Variants in VPS13B observed in about 807,000 individuals in gnomAD.
VPS13B encodes the protein vacuolar protein sorting 13 homolog B.
In VPS13B, 285 loss-of-function variants were observed where a neutral mutation model predicts 426.4. The observed-to-expected ratio is 0.67, with a 90% confidence interval of 0.61 to 0.74. The LOEUF (loss-of-function observed/expected upper bound fraction) is 0.74. VPS13B is among the 30% of genes least tolerant of loss of function. VPS13B has a pLI of 0.00. For synonymous variants in VPS13B, 1,676 were observed against 1,676.4 expected (o/e 1.00, Z 0.01); for missense variants, 4,537 against 4,782.6 (o/e 0.95, Z 1.51).
At chr8:99,362,766 G>T (rs1812639787) in intron 19 of VPS13B, among the ~76,000 whole-genome samples, 1 of 152,194 alleles carries the variant, frequency 6.6e-6, no homozygotes, top group Admixed American at 6.5e-5. Context: ...GAACAGTGCT[G>T]CAACAAACAT....
At chr8:99,312,751 C>G (rs1027076892) in intron 19 of VPS13B, among the ~76,000 whole-genome samples, 12 of 152,180 alleles carry the variant, frequency 7.9e-5, no homozygotes, top group African/African-American at 2.4e-4. Flanking sequence ...CGGATAATAT[C>G]TTGCAGATTG....
intron 13 of VPS13B, among the ~76,000 whole-genome samples, chr8:99,146,564 T>C (rs987527027): frequency 7.2e-5 from 11 of 152,186 alleles, no homozygotes; most frequent in African/African-American, 2.7e-4. Context: ...GAATATTGGG[T>C]TGGCTGTTTC....
intron 16 of VPS13B, among the ~76,000 whole-genome samples, chr8:99,174,069 A>G (rs560196813): frequency 1.3e-5 from 2 of 152,224 alleles, no homozygotes; most frequent in Non-Finnish European, 1.5e-5. Flanking sequence ...ATCATTCCAT[A>G]TTTGTCATTT....
intron 33 of VPS13B, among the ~76,000 whole-genome samples, chr8:99,640,904 T>A (rs1000087353): frequency 6.6e-6 from 1 of 151,972 alleles, no homozygotes; most frequent in African/African-American, 2.4e-5. Context: ...GGTGGGGTAG[T>A]TTTTTTTACT....
chr8:99,392,046 A>T (rs1220789876), intron 21 of VPS13B, among the ~76,000 whole-genome samples: 9 of 152,204 alleles, frequency 5.9e-5, no homozygotes, highest in Non-Finnish European at 2.9e-5. Context: ...CTTTGCACAG[A>T]AGCAGGATCG....
intron 25 of VPS13B, among the ~76,000 whole-genome samples, chr8:99,500,447 T>C (rs1164960440): frequency 6.6e-6 from 1 of 152,156 alleles, no homozygotes; most frequent in Non-Finnish European, 1.5e-5. Context: ...TGTATATTCT[T>C]CATTCACATT....
chr8:99,266,607 A>G (rs1818319269), intron 17 of VPS13B, among the ~76,000 whole-genome samples: 1 of 152,092 alleles, frequency 6.6e-6, no homozygotes, highest in Non-Finnish European at 1.5e-5. Context: ...TAATTGAATC[A>G]TGGGGGGTGG....
chr8:99,832,315 A>G, intron 51 of VPS13B, 54 bp from the exon 52 acceptor site: 1 of 1,432,296 alleles, frequency 7.0e-7, no homozygotes, highest in Non-Finnish European at 9.1e-7. Flanking sequence ...ATTCTGCTGT[A>G]TTACTGTAGC....
intron 21 of VPS13B, among the ~76,000 whole-genome samples, chr8:99,395,257 A>G (rs1361644290): frequency 1.3e-5 from 2 of 152,224 alleles, no homozygotes; most frequent in African/African-American, 4.8e-5. Context: ...GAGATGAAGA[A>G]AGCTATGCAG....
intron 39 of VPS13B, among the ~76,000 whole-genome samples, chr8:99,729,968 G>A (rs1833524155): frequency 6.6e-6 from 1 of 152,168 alleles, no homozygotes; most frequent in African/African-American, 2.4e-5. Flanking sequence ...GCACATGATG[G>A]CACTACAAAA....
chr8:99,825,791 T>C (rs1473595451), intron 51 of VPS13B, among the ~76,000 whole-genome samples: 1 of 152,236 alleles, frequency 6.6e-6, no homozygotes, highest in Non-Finnish European at 1.5e-5. Context: ...TGCATATGGC[T>C]AGCGAGTTTT....
chr8:99,484,820 G>A (rs566625048), intron 25 of VPS13B, among the ~76,000 whole-genome samples: 62 of 151,088 alleles, frequency 4.1e-4, no homozygotes, highest in Non-Finnish European at 7.8e-4. Flanking sequence ...ATAACCATCT[G>A]GGTGACAGAG....
rs529988192 is a variant in VPS13B at position 99,513,099 on chromosome 8, AAAT to A, written c.4633+1590_4633+1592del. ...TTACAGAAGTTTTATATCTAGATAA[AAAT>A]AAGAATAAAGTTTTATACTATATAA... On this transcript the variant is annotated intron_variant, in intron 29 of 61. Transcript: ENST00000357162. Among the ~76,000 whole-genome samples, 27 of 152,008 alleles carry A rather than the reference AAAT, an allele frequency of 1.8e-4. No individual in the cohort carries two copies. The South Asian group carries it at 5.2e-3, about 29-fold the overall frequency.
intron 3 of VPS13B, among the ~76,000 whole-genome samples, chr8:99,090,493 C>T (rs889943873): frequency 2.6e-5 from 4 of 152,114 alleles, no homozygotes; most frequent in Non-Finnish European, 5.9e-5. Context: ...TGGTCTCGAA[C>T]TCCTAACCTC....
At chr8:99,326,880 T>A (rs1319503445) in intron 19 of VPS13B, among the ~76,000 whole-genome samples, 1 of 152,220 alleles carries the variant, frequency 6.6e-6, no homozygotes, top group Non-Finnish European at 1.5e-5. Context: ...TGTGTTTGCC[T>A]CTGGCATTCA....
At chr8:99,149,070 G>T (rs913995722) in intron 14 of VPS13B, among the ~76,000 whole-genome samples, 2 of 152,236 alleles carry the variant, frequency 1.3e-5, no homozygotes, top group African/African-American at 4.8e-5. Flanking sequence ...TGCTGTGGTT[G>T]AGTATTGCCT....
chr8:99,395,892 A>G (rs137893864), intron 21 of VPS13B, among the ~76,000 whole-genome samples: 25 of 152,286 alleles, frequency 1.6e-4, no homozygotes, highest in African/African-American at 5.8e-4. Context: ...GAGGAGAGAA[A>G]TTGAAAATAT....
chr8:99,378,870 T>C (rs1313460776), intron 19 of VPS13B, among the ~76,000 whole-genome samples: 1 of 152,160 alleles, frequency 6.6e-6, no homozygotes, highest in Admixed American at 6.5e-5. Flanking sequence ...TAACAATGAA[T>C]TGGAGACTTT....
At chr8:99,326,214 T>G (rs1410032368) in intron 19 of VPS13B, among the ~76,000 whole-genome samples, 1 of 152,074 alleles carries the variant, frequency 6.6e-6, no homozygotes, top group Non-Finnish European at 1.5e-5. Context: ...GAACCCTGCT[T>G]GAAAAAACAG....
Sources: gnomAD v4.1 joint callset for allele counts (sites outside exome capture counted in the v4.1 genomes callset) on GRCh38, gnomAD v4.1.1 for gene constraint, MANE v1.5 for transcripts, NCBI Gene and HGNC (gene_info 2026-07-23, HGNC 2026-07-21) for gene names.